The following ERCC6L2 variants were observed in gnomAD, a reference collection of about 807,000 sequenced individuals.
The protein encoded by ERCC6L2 is ERCC excision repair 6 like 2.
Under a neutral mutation model 132.0 loss-of-function variants are expected in ERCC6L2, and 77 were observed. The observed-to-expected ratio is 0.58, with a 90% CI of 0.49 to 0.71. The LOEUF is 0.71. ERCC6L2 is among the 30% of genes least tolerant of loss of function. The pLI is 0.00. For missense variants in ERCC6L2, 1,542 were observed against 1,837.6 expected, an observed-to-expected ratio of 0.84 and a Z score of 2.94; for synonymous variants, 583 against 632.4, an observed-to-expected ratio of 0.92 and a Z score of 1.17.
intron 12 of ERCC6L2, 28 bp downstream of exon 12, chr9:95,941,577 T>A: frequency 6.8e-7 from 1 of 1,468,922 alleles, no homozygotes; most frequent in South Asian, 1.2e-5. Flanking sequence ...TTTAAAGTGA[T>A]CTGCAAATAC....
chr9:95,923,269 AT>A lies in ERCC6L2; in HGVS notation c.1424del (p.Ile475ThrfsTer36), dbSNP rs768081343. 2.0e-4 allele frequency: 316 copies of A among 1,613,384 alleles called. 1 individual carries two copies. The highest frequency in any genetic ancestry group is 8.5e-6 in the Non-Finnish European group (10 of 1,179,692). ...GCCTTTTCCCTTCAAGGAAACACTT[AT>A]CAAAAGGATATGTGATCAGGTATTT... ...ASTSKQQETL[I>X]KRICDQVFSR... is the part of the protein sequence containing the mutation. On this transcript the variant is annotated frameshift_variant, in exon 9 of 19. Transcript: ENST00000653738. LOFTEE classifies it high-confidence loss of function.
intron 18 of ERCC6L2, among the ~76,000 whole-genome samples, chr9:96,007,468 G>A (rs1183991062): frequency 6.6e-6 from 1 of 152,220 alleles, no homozygotes; most frequent in Non-Finnish European, 1.5e-5. Context: ...AGGAAGCAAT[G>A]AAGGGGTCAC....
intron 3 of ERCC6L2, among the ~76,000 whole-genome samples, chr9:95,902,882 T>C (rs988201623): frequency 5.3e-5 from 8 of 152,154 alleles, no homozygotes; most frequent in Non-Finnish European, 1.0e-4. Flanking sequence ...TAACGATATA[T>C]CCTGGAATCT....
intron 3 of ERCC6L2, among the ~76,000 whole-genome samples, chr9:95,900,393 A>G (rs1007363741): frequency 6.6e-6 from 1 of 152,128 alleles, no homozygotes; most frequent in Non-Finnish European, 1.5e-5. Context: ...TCTCAAAAAA[A>G]AAAAAAGTTC....
chr9:95,915,820 T>C lies in ERCC6L2; in HGVS notation c.941T>C (p.Val314Ala). The change falls in exon 5 of 19, where the codon GTT (valine) becomes GCT (alanine). Residue 314 changes from valine to alanine, a missense_variant. Around this residue, in one of 4 missense-constraint regions of ERCC6L2, gnomAD observed 945 missense variants for 1,105.2 expected, o/e 0.86. Coordinates refer to ENST00000653738, the MANE Select transcript of ERCC6L2 (RefSeq NM_020207.7). ...AACAACATGAAGGAACTGTGGTGTG[T>C]TATGGACTGGTGAGAGAAAACACTT... ...LQNNMKELWCVMDWAVPGLLG... is the reference protein window; with the variant it reads ...LQNNMKELWCAMDWAVPGLLG... 6.2e-7 allele frequency: 1 copy of C among 1,600,656 alleles called. No homozygotes were observed. Among genetic ancestry groups the C allele is most frequent in the Non-Finnish European group, 8.5e-7 (1 of 1,175,936 alleles).
intron 11 of ERCC6L2, among the ~76,000 whole-genome samples, chr9:95,939,477 C>T (rs1201449938): frequency 6.6e-6 from 1 of 152,096 alleles, no homozygotes; most frequent in African/African-American, 2.4e-5. Flanking sequence ...ATGCCACTTT[C>T]TTCTGATATC....
In ERCC6L2 at chr9:95,876,077, A is replaced by G. The variant is rs576071831; in HGVS notation, c.39A>G (p.Ser13=). Residue 13 remains serine (S), a synonymous_variant, in exon 1 of 19, where the codon TCA becomes TCG. Coordinates refer to ENST00000653738, the MANE Select transcript of ERCC6L2 (RefSeq NM_020207.7). ...CGCCACAGCCCCGCGCGGAAACCTC[A>G]GGCAAAGGTACCAGCTCCGCGCTCG... The part of the protein sequence containing the change: ...PSAPQPRAET[S]GKDIWHPGER... 99 of 1,579,402 alleles carry G rather than the reference A, an allele frequency of 6.3e-5. 2 individuals are homozygous for G. In the South Asian group the frequency reaches 1.1e-3, roughly 17 times the overall value.
Position 95,990,174 on chromosome 9 carries a change from A to G in ERCC6L2, c.3492+11959A>G, listed in dbSNP as rs1477202518. ...TAACCATTCCACAGTGAAGAAGGCC[A>G]GGAGCCAGGCTGGAGCAGGTTGATG... On this transcript the variant is annotated intron_variant, in intron 17 of 18. Transcript: ENST00000653738. Among the ~76,000 whole-genome samples, 3 of 152,248 alleles carry G rather than the reference A, an allele frequency of 2.0e-5. No individual in the cohort carries two copies. In the South Asian group the frequency reaches 6.2e-4, roughly 31 times the overall value.
chr9:95,948,553 T>G (rs150775457), intron 12 of ERCC6L2, among the ~76,000 whole-genome samples: 2,167 of 152,028 alleles, frequency 0.014, 46 homozygotes, highest in African/African-American at 0.049. Flanking sequence ...CTCAGGAGGC[T>G]GAGAATCGTT....
intron 19 of ERCC6L2, among the ~76,000 whole-genome samples, chr9:96,032,454 C>T (rs1834472325): frequency 6.6e-6 from 1 of 152,248 alleles, no homozygotes; most frequent in Admixed American, 6.5e-5. Context: ...CATGAATTGG[C>T]TGGAGGGCCA....
At chr9:95,880,474 C>T (rs550977989) in intron 1 of ERCC6L2, among the ~76,000 whole-genome samples, 1 of 152,164 alleles carries the variant, frequency 6.6e-6, no homozygotes, top group Non-Finnish European at 1.5e-5. Context: ...GTCAGTGGCT[C>T]TCAACCCTGG....
intron 3 of ERCC6L2, among the ~76,000 whole-genome samples, chr9:95,902,283 A>G (rs937083911): frequency 6.6e-6 from 1 of 152,130 alleles, no homozygotes; most frequent in African/African-American, 2.4e-5. Context: ...TTGAAATTCA[A>G]TTTTTATGAA....
rs183854904 is a variant in ERCC6L2 at position 96,034,757 on chromosome 9, C to A, written c.*1504-4119C>A. On this transcript the variant is annotated intron_variant and NMD_transcript_variant, in intron 19 of 20. Transcript: ENST00000670016. ...CCCAAGCTGCAGCTGGGGACAGGGGCCCCACCCTCCTGGATGGGACTACAG... is the reference window on the plus strand; with the variant it reads ...CCCAAGCTGCAGCTGGGGACAGGGGACCCACCCTCCTGGATGGGACTACAG... 1.7e-3 allele frequency among the ~76,000 whole-genome samples: 262 copies of A among 151,612 alleles called. 4 individuals carry two copies. The highest frequency in any genetic ancestry group is 0.016 in the Admixed American group (238 of 15,252).
rs533293995 is a variant in ERCC6L2 at position 95,894,550 on chromosome 9, G to A, written c.472-3299G>A. On this transcript the variant is annotated intron_variant, in intron 2 of 18. Transcript: ENST00000653738. ...CTGTATGGTTTCTGTCTACTGAAAT[G>A]TATTGAGACTTCTGTGGCCTGGCAT... Among the ~76,000 whole-genome samples the A allele has an allele frequency of 3.8e-5, 5 of 132,352 alleles. No individual in the cohort carries two copies. The Admixed American group carries it at 3.8e-4, about 10-fold the overall frequency. The allele number at this position is 132,352 out of a possible 152,430, so 86.8% of individuals were successfully genotyped here. A position where few individuals can be genotyped will look rare whatever the true frequency, so the allele number is the denominator to read the frequency against.
At chr9:95,883,222 A>G (rs1289911277) in intron 2 of ERCC6L2, among the ~76,000 whole-genome samples, 1 of 152,106 alleles carries the variant, frequency 6.6e-6, no homozygotes, top group Non-Finnish European at 1.5e-5. Flanking sequence ...GTTTTCCCAT[A>G]CATTGTTACA....
chr9:95,963,517 G>A (rs1170899996), intron 13 of ERCC6L2, among the ~76,000 whole-genome samples: 1 of 151,860 alleles, frequency 6.6e-6, no homozygotes, highest in Non-Finnish European at 1.5e-5. Flanking sequence ...TCTACAACTC[G>A]CTTTCCCCAC....
At chr9:95,939,516 T>A (rs1341956739) in intron 11 of ERCC6L2, among the ~76,000 whole-genome samples, 1 of 152,204 alleles carries the variant, frequency 6.6e-6, no homozygotes, top group Non-Finnish European at 1.5e-5. Context: ...TCTCTGTTGT[T>A]CATATTTCGT....
chr9:95,954,823 G>A (rs1168389980), intron 12 of ERCC6L2: 1 of 471,128 alleles, frequency 2.1e-6, no homozygotes, highest in Non-Finnish European at 4.4e-6. Flanking sequence ...CCTTACCCCT[G>A]GTGGTGCTGT....
intron 2 of ERCC6L2, among the ~76,000 whole-genome samples, chr9:95,895,414 G>A (rs1234488529): frequency 6.6e-6 from 1 of 152,006 alleles, no homozygotes; most frequent in Non-Finnish European, 1.5e-5. Context: ...TCCATATAAT[G>A]TGCTTTCTAG....
Sources: gnomAD v4.1 joint callset for allele counts (sites outside exome capture counted in the v4.1 genomes callset) on GRCh38, gnomAD v4.1.1 for gene constraint, gnomAD v4.1.1 regional missense constraint, MANE v1.5 for transcripts, NCBI Gene and HGNC (gene_info 2026-07-23, HGNC 2026-07-21) for gene names.